The following NMT1 variants were observed in gnomAD, a reference collection of about 807,000 sequenced individuals.
NMT1 encodes glycylpeptide N-tetradecanoyltransferase 1.
Under a neutral mutation model 63.4 loss-of-function variants are expected in NMT1, and 12 were observed. The observed-to-expected ratio is 0.19, with a 90% confidence interval of 0.12 to 0.31. The LOEUF is 0.31. Among genes scored for constraint, NMT1 ranks in the 10% least tolerant of loss-of-function variants. NMT1 has a pLI of 1.00. For missense variants in NMT1, 432 were observed against 634.6 expected (o/e 0.68, Z 3.43); for synonymous variants, 228 against 234.3 (o/e 0.97, Z 0.25).
intron 2 of NMT1, among the ~76,000 whole-genome samples, chr17:45,084,366 G>A (rs1002164331): frequency 2.9e-5 from 4 of 137,740 alleles, no homozygotes; most frequent in East Asian, 2.1e-4. Flanking sequence ...ACGGAGTCTC[G>A]CTCTGTCGCC....
rs568443767 is a variant in NMT1 at position 45,062,860 on chromosome 17, C to T, written c.131+1400C>T. On this transcript the variant is annotated intron_variant, in intron 1 of 11. Coordinates refer to ENST00000258960, the MANE Select transcript of NMT1 (RefSeq NM_021079.5). ...TGACTGTATTTAAGTGGTTTATAAT[C>T]TGCTTGTGGTAAATCTTAGGTTAAA... 7.2e-5 allele frequency among the ~76,000 whole-genome samples: 11 copies of T among 152,254 alleles called. No individual in the cohort carries two copies. The South Asian group carries it at 2.3e-3, about 32-fold the overall frequency.
At chr17:45,096,579 G>A (rs1413630555) in intron 5 of NMT1, among the ~76,000 whole-genome samples, 3 of 152,228 alleles carry the variant, frequency 2.0e-5, no homozygotes, top group Non-Finnish European at 4.4e-5. Context: ...GACCTACTAA[G>A]ACTGAAAGAA....
chr17:45,088,764 T>TAAAAAA (rs368660508), intron 3 of NMT1, among the ~76,000 whole-genome samples: 1 of 147,786 alleles, frequency 6.8e-6, no homozygotes, highest in Admixed American at 6.7e-5. Flanking sequence ...AAAAATGAAT[T>TAAAAAA]TAAAAAAAAA....
At chr17:45,079,704 T>C (rs576314888) in intron 1 of NMT1, among the ~76,000 whole-genome samples, 2 of 152,312 alleles carry the variant, frequency 1.3e-5, no homozygotes, top group East Asian at 3.9e-4. Flanking sequence ...TTTATTTATT[T>C]ATTTTTATTT....
At chr17:45,098,678 C>A in intron 7 of NMT1, 126 bp downstream of exon 7, 1 of 851,204 alleles carries the variant, frequency 1.2e-6, no homozygotes, top group Non-Finnish European at 1.8e-6. Context: ...GTAAGGCGGG[C>A]ACTTGGTGCC....
rs2054184630 is a variant in NMT1 at position 45,103,858 on chromosome 17, C to A, written c.1314C>A (p.Ala438=). Residue 438 remains alanine (A), a synonymous_variant, in exon 10 of 12, where the codon GCC becomes GCA. Transcript: ENST00000258960. The surrounding 1 kb of genome is among the most constrained non-coding windows in gnomAD (Gnocchi z 4.8). The stretch of plus-strand genomic sequence containing the variant: ...CTCTTCTAGACCTCATGAGCGACGC[C>A]CTTGTCCTCGCCAAAATGGTGAGGA... ...QTPLLDLMSD[A]LVLAKMKGFD... 5 of 1,613,966 alleles carry A rather than the reference C, an allele frequency of 3.1e-6. No individual in the cohort carries two copies. Among genetic ancestry groups the A allele is most frequent in the Non-Finnish European group, 4.2e-6 (5 of 1,180,054 alleles).
At chr17:45,066,026 T>C (rs1248575293) in intron 1 of NMT1, among the ~76,000 whole-genome samples, 1 of 152,008 alleles carries the variant, frequency 6.6e-6, no homozygotes, top group African/African-American at 2.4e-5. Context: ...GCCCCTTTTT[T>C]TCAGGAACTA....
chr17:45,083,162 A>G (rs1934049852), intron 2 of NMT1, among the ~76,000 whole-genome samples: 1 of 151,622 alleles, frequency 6.6e-6, no homozygotes, highest in Admixed American at 6.6e-5. Context: ...TGAAGATACA[A>G]AAAAAAATTA....
intron 5 of NMT1, 133 bp from the exon 6 acceptor site, chr17:45,096,995 C>A: frequency 1.4e-6 from 1 of 705,964 alleles, no homozygotes; most frequent in Admixed American, 1.9e-5. Flanking sequence ...AGGGCTTGGC[C>A]CTAAAGAGAA....
chr17:45,093,151 G>A (rs746368981), intron 3 of NMT1, among the ~76,000 whole-genome samples: 1 of 152,232 alleles, frequency 6.6e-6, no homozygotes, highest in Non-Finnish European at 1.5e-5. Context: ...TAAACACTGA[G>A]GGCCTGAGTT....
chr17:45,079,240 G>A (rs2053997061), intron 1 of NMT1, among the ~76,000 whole-genome samples: 1 of 152,004 alleles, frequency 6.6e-6, no homozygotes, highest in South Asian at 2.1e-4. Context: ...AAGTAGCTGG[G>A]ATTACAGGCG....
chr17:45,081,613 A>G (rs766623394), intron 1 of NMT1, 31 bp from the exon 2 acceptor site: 24 of 1,576,120 alleles, frequency 1.5e-5, no homozygotes, highest in Middle Eastern at 1.7e-4. Context: ...TTTTTTTTAA[A>G]CCCTGCATTA....
Position 45,103,579 on chromosome 17 carries a change from T to C in NMT1, c.1165-130T>C. Reference sequence around the variant, plus strand: ...TGTCCCTCCTCCTCCCCACATGTCCTGTTGCAGTTTCCAGCCATTTATCTA... The same window carrying C: ...TGTCCCTCCTCCTCCCCACATGTCCCGTTGCAGTTTCCAGCCATTTATCTA... On this transcript the variant is annotated intron_variant, in intron 9 of 11. Coordinates refer to ENST00000258960, the MANE Select transcript of NMT1 (RefSeq NM_021079.5). The surrounding 1 kb of genome is among the most constrained non-coding windows in gnomAD (Gnocchi z 4.8). 1.1e-6 allele frequency: 1 copy of C among 913,142 alleles called. No homozygotes were observed. Among genetic ancestry groups the C allele is most frequent in the Admixed American group, 2.3e-5 (1 of 44,344 alleles). 56.6% of individuals were successfully genotyped at this position (913,142 alleles called of 1,614,324 possible). A position where few individuals can be genotyped will look rare whatever the true frequency, so the allele number is the denominator to read the frequency against.
chr17:45,079,142 C>G (rs1421145727), intron 1 of NMT1, among the ~76,000 whole-genome samples: 1 of 148,774 alleles, frequency 6.7e-6, no homozygotes, highest in Non-Finnish European at 1.5e-5. Context: ...CTTGCTCTGT[C>G]GCCCAGAGCT....
chr17:45,100,563 G>C (rs1357703018), intron 8 of NMT1, among the ~76,000 whole-genome samples: 1 of 144,638 alleles, frequency 6.9e-6, no homozygotes, highest in Non-Finnish European at 1.5e-5. Flanking sequence ...GCGAGACTCC[G>C]TCTCAAAATA....
At chr17:45,089,145 G>A (rs191569899) in intron 3 of NMT1, among the ~76,000 whole-genome samples, 29 of 152,340 alleles carry the variant, frequency 1.9e-4, no homozygotes, top group Middle Eastern at 3.4e-3. Context: ...TGGCTGAGGC[G>A]TCACCCTAGT....
chr17:45,066,848 G>A (rs2053906345), intron 1 of NMT1, among the ~76,000 whole-genome samples: 1 of 146,194 alleles, frequency 6.8e-6, no homozygotes, highest in African/African-American at 2.5e-5. Context: ...AAGTAGCTAG[G>A]ATTGTAGACA....
At position 45,061,416 on chromosome 17, in the gene NMT1, C is replaced by G. The variant is rs759161485; in HGVS notation, c.87C>G (p.His29Gln). ...AAGGGAACGGGAACGGCCATGAGCA[C>G]TGCAGCGATTGCGAGAATGAGGAGG... is the stretch of plus-strand genomic sequence containing the variant. Reference protein sequence around the residue: ...MMEGNGNGHEHCSDCENEEDN... With the variant: ...MMEGNGNGHEQCSDCENEEDN... The change falls in exon 1 of 12, where the codon CAC becomes CAG. Residue 29 changes from histidine (H) to glutamine (Q), a missense_variant. Transcript: ENST00000258960. 5.6e-6 allele frequency: 9 copies of G among 1,613,888 alleles called. No homozygotes were observed. Among genetic ancestry groups the G allele is most frequent in the Non-Finnish European group, 7.6e-6 (9 of 1,179,984 alleles).
intron 2 of NMT1, among the ~76,000 whole-genome samples, chr17:45,081,974 T>C (rs762000577): frequency 1.2e-4 from 18 of 152,218 alleles, no homozygotes; most frequent in Non-Finnish European, 2.5e-4. Context: ...CTCCCAAGCA[T>C]GGTGCCCATC....
Sources: gnomAD v4.1 joint callset for allele counts (sites outside exome capture counted in the v4.1 genomes callset) on GRCh38, gnomAD v4.1.1 for gene constraint, Gnocchi (gnomAD v3.1) non-coding constraint, MANE v1.5 for transcripts, NCBI Gene and HGNC (gene_info 2026-07-23, HGNC 2026-07-21) for gene names.